Variants in SLC9C2 observed in about 807,000 individuals in gnomAD.
The protein encoded by SLC9C2 is solute carrier family 9 member C2 (putative), also known as sodium/hydrogen exchanger 11.
A neutral mutation model predicts 140.2 loss-of-function variants in SLC9C2; 75 were observed. The observed-to-expected ratio is 0.53, with a 90% CI of 0.44 to 0.65. The LOEUF is 0.65. Among genes scored for constraint, SLC9C2 ranks in the 30% least tolerant of loss-of-function variants. SLC9C2 has a pLI of 0.00. For missense variants in SLC9C2, 1,074 were observed against 1,331.8 expected, an observed-to-expected ratio of 0.81 and a Z score of 3.01; for synonymous variants, 375 against 420.9, an observed-to-expected ratio of 0.89 and a Z score of 1.34.
At chr1:173,557,290 A>G (rs2102103135) in intron 10 of SLC9C2, 50 bp downstream of exon 10, 2 of 1,550,918 alleles carry the variant, frequency 1.3e-6, no homozygotes, top group Non-Finnish European at 1.7e-6. Context: ...AGTGGGCAAG[A>G]TAAGTAAAAA....
rs57682096 is a variant in SLC9C2, at chr1:173,506,913, A to G, written c.3168T>C (p.Asp1056=). Residue 1056 remains aspartate, a synonymous_variant, in exon 25 of 28, where the codon GAT becomes GAC. Transcript: ENST00000367714. The part of the protein sequence containing the change: ...FVIIVYGSVI[D]TKTEEPYFAP... ...CAAAATATGGTTCCTCTGTCTTAGT[A>G]TCAATTACACTGCCATACACAATGA... is the stretch of plus-strand genomic sequence containing the variant. 1.1e-5 allele frequency: 18 copies of G among 1,613,958 alleles called. No individual in the cohort carries two copies. In the East Asian group the frequency reaches 4.0e-4, roughly 36 times the overall value.
chr1:173,588,173 C>T (rs1013672444), intron 4 of SLC9C2, among the ~76,000 whole-genome samples: 3 of 152,088 alleles, frequency 2.0e-5, no homozygotes, highest in African/African-American at 4.8e-5. Flanking sequence ...TTGTTAGTGA[C>T]GTATTGTGTC....
chr1:173,514,261 AG>A (rs1319250930), intron 23 of SLC9C2, among the ~76,000 whole-genome samples: 1 of 152,188 alleles, frequency 6.6e-6, no homozygotes, highest in African/African-American at 2.4e-5. Context: ...GGGGTGTTAA[AG>A]TCTCCCACTA....
At chr1:173,598,197 T>C (rs763722492) in intron 3 of SLC9C2, among the ~76,000 whole-genome samples, 165 bp from the exon 4 acceptor site, 2 of 152,216 alleles carry the variant, frequency 1.3e-5, no homozygotes, top group Non-Finnish European at 2.9e-5. Flanking sequence ...GATTTCTTGA[T>C]CTAGCCATCC....
chr1:173,585,291 G>C (rs964228271), intron 5 of SLC9C2, among the ~76,000 whole-genome samples: 7 of 151,978 alleles, frequency 4.6e-5, no homozygotes, highest in Non-Finnish European at 1.0e-4. Context: ...ATGCAGATGG[G>C]CACCTCATCA....
Position 173,533,597 on chromosome 1 carries a change from G to A in SLC9C2, c.2163+12C>T, listed in dbSNP as rs1247071871. Reference sequence around the variant, plus strand: ...CTGGCAAATCTTAATATTTTAAAATGTGAAATCTTACCTTGAAGAGAGGAA... The same window carrying A: ...CTGGCAAATCTTAATATTTTAAAATATGAAATCTTACCTTGAAGAGAGGAA... On this transcript the variant is annotated intron_variant, in intron 17 of 27. Coordinates refer to ENST00000367714, the MANE Select transcript of SLC9C2 (RefSeq NM_178527.4). 1 of 1,557,814 alleles carries A rather than the reference G, an allele frequency of 6.4e-7. No homozygotes were observed. Among genetic ancestry groups the A allele is most frequent in the Admixed American group, 1.9e-5 (1 of 52,646 alleles).
chr1:173,544,089 GT>G (rs1662649630), intron 13 of SLC9C2, among the ~76,000 whole-genome samples: 1 of 152,014 alleles, frequency 6.6e-6, no homozygotes, highest in Non-Finnish European at 1.5e-5. Flanking sequence ...ATGGGAGAAA[GT>G]TTTTGCAATC....
chr1:173,518,265 GAA>G (rs58585946), intron 22 of SLC9C2, among the ~76,000 whole-genome samples: 2 of 139,980 alleles, frequency 1.4e-5, no homozygotes, highest in South Asian at 2.2e-4. Context: ...CCATCTCAAA[GAA>G]AAAAAAAAAA....
chr1:173,506,789 T>G, intron 25 of SLC9C2, 67 bp downstream of exon 25: 60 of 1,332,378 alleles, frequency 4.5e-5, no homozygotes, highest in Non-Finnish European at 5.7e-5. Flanking sequence ...GGTGATCAGT[T>G]GAGTTTTAAA....
At chr1:173,532,497 A>T (rs559279130) in intron 17 of SLC9C2, among the ~76,000 whole-genome samples, 72 of 152,354 alleles carry the variant, frequency 4.7e-4, no homozygotes, top group Middle Eastern at 3.4e-3. Context: ...AGGCATAGTA[A>T]TTGTTAAGGA....
chr1:173,517,648 C>T lies in SLC9C2; in HGVS notation c.2796G>A (p.Gly932=), dbSNP rs1224078886. ...AGAACTCTGTAAACATGTCTCTGGA[C>T]CCTCTATCACACCTTTGATTACTCT... The part of the protein sequence containing the change: ...GIESNQRCDR[G]SRDMFTEFCT... The change falls in exon 23 of 28, where the codon GGG becomes GGA. Residue 932 remains glycine, a synonymous_variant. Coordinates refer to ENST00000367714, the MANE Select transcript of SLC9C2 (RefSeq NM_178527.4). The T allele has an allele frequency of 1.2e-6, 2 of 1,613,774 alleles. No homozygotes were observed. Among genetic ancestry groups the T allele is most frequent in the Non-Finnish European group, 1.7e-6 (2 of 1,179,956 alleles).
chr1:173,601,474 A>C (rs553539980), intron 2 of SLC9C2, among the ~76,000 whole-genome samples, 176 bp downstream of exon 2: 1 of 152,240 alleles, frequency 6.6e-6, no homozygotes, highest in African/African-American at 2.4e-5. Flanking sequence ...CACTGAATAC[A>C]GGAATATAGA....
chr1:173,512,427 G>T (rs988979882), intron 23 of SLC9C2, among the ~76,000 whole-genome samples: 1 of 152,094 alleles, frequency 6.6e-6, no homozygotes, highest in African/African-American at 2.4e-5. Flanking sequence ...GTGTATTGGA[G>T]TTCATTCATG....
At chr1:173,523,881 T>C (rs1443986785) in intron 21 of SLC9C2, 88 bp downstream of exon 21, 6 of 1,515,546 alleles carry the variant, frequency 4.0e-6, no homozygotes, top group African/African-American at 2.8e-5. Context: ...GTATGTGATA[T>C]GCTTTTCTGT....
intron 11 of SLC9C2, among the ~76,000 whole-genome samples, chr1:173,554,276 T>C (rs1663522199): frequency 6.6e-6 from 1 of 152,200 alleles, no homozygotes; most frequent in African/African-American, 2.4e-5. Context: ...GTGATAATGA[T>C]ACATACAGAG....
Position 173,517,672 on chromosome 1 carries a change from C to G in SLC9C2, c.2772G>C (p.Glu924Asp). ...ACCCTCTATCACACCTTTGATTACT[C>G]TCTATTCCAAAGGTAGGAGATAAAC... ...LHSLSPTFGI[E>D]SNQRCDRGSR... Residue 924 changes from glutamate to aspartate, a missense_variant, in exon 23 of 28, where the codon GAG becomes GAC. Physicochemically the swap from Glu to Asp is conservative, Grantham distance 45. Coordinates refer to ENST00000367714, the MANE Select transcript of SLC9C2 (RefSeq NM_178527.4). The G allele has an allele frequency of 4.3e-6, 7 of 1,612,990 alleles. No individual in the cohort carries two copies. Among genetic ancestry groups the G allele is most frequent in the Non-Finnish European group, 5.9e-6 (7 of 1,179,718 alleles).
intron 4 of SLC9C2, among the ~76,000 whole-genome samples, chr1:173,596,212 G>A (rs1666449678): frequency 6.6e-6 from 1 of 152,104 alleles, no homozygotes; most frequent in Non-Finnish European, 1.5e-5. Flanking sequence ...AGACATTTGA[G>A]ATTATAAATA....
chr1:173,581,192 G>A (rs1665509230), intron 7 of SLC9C2, among the ~76,000 whole-genome samples: 1 of 152,168 alleles, frequency 6.6e-6, no homozygotes, highest in South Asian at 2.1e-4. Context: ...TGAGATGAGA[G>A]CAAAAGTGGA....
intron 13 of SLC9C2, among the ~76,000 whole-genome samples, chr1:173,541,249 A>G (rs2102026213): frequency 6.6e-6 from 1 of 152,310 alleles, no homozygotes; most frequent in Middle Eastern, 3.4e-3. Context: ...ACAAACATCA[A>G]AAGAGACAAA....
Sources: allele counts gnomAD v4.1 joint callset (sites outside exome capture counted in the v4.1 genomes callset), GRCh38; gene constraint gnomAD v4.1.1; transcripts MANE v1.5; gene names NCBI Gene and HGNC (gene_info 2026-07-23, HGNC 2026-07-21).